SLC16A12: variants seen among roughly 807,000 people sequenced by gnomAD.
SLC16A12 encodes monocarboxylate transporter 12.
In SLC16A12, 17 loss-of-function variants were observed where a neutral mutation model predicts 42.4. That is an observed-to-expected ratio of 0.40 (90% confidence interval 0.27 to 0.60). The LOEUF (loss-of-function observed/expected upper bound fraction) is 0.60, where lower values mean the gene tolerates loss of function less well. Among genes scored for constraint, SLC16A12 ranks in the 20% least tolerant of loss-of-function variants. The pLI is 0.42. For synonymous variants in SLC16A12, 224 were observed against 229.4 expected, an observed-to-expected ratio of 0.98 and a Z score of 0.21; for missense variants, 544 against 623.0, an observed-to-expected ratio of 0.87 and a Z score of 1.35.
intron 2 of SLC16A12, among the ~76,000 whole-genome samples, chr10:89,525,879 G>T (rs955764470): frequency 6.6e-6 from 1 of 152,138 alleles, no homozygotes; most frequent in Non-Finnish European, 1.5e-5. Flanking sequence ...AGATACGGGG[G>T]AAATGTCTGG....
chr10:89,545,017 G>T (rs1843734816), intron 2 of SLC16A12, among the ~76,000 whole-genome samples: 1 of 152,104 alleles, frequency 6.6e-6, no homozygotes, highest in Non-Finnish European at 1.5e-5. Flanking sequence ...GACCTTAAGG[G>T]GTTATACCTC....
chr10:89,497,943 A>T (rs1318771945), intron 2 of SLC16A12, among the ~76,000 whole-genome samples: 3 of 152,198 alleles, frequency 2.0e-5, no homozygotes, highest in Non-Finnish European at 4.4e-5. Flanking sequence ...AGTAGGTATA[A>T]TTATTTTATC....
intron 2 of SLC16A12, among the ~76,000 whole-genome samples, chr10:89,524,601 C>T (rs1039369750): frequency 1.4e-4 from 21 of 152,330 alleles, no homozygotes; most frequent in Non-Finnish European, 2.2e-4. Flanking sequence ...TGGCTCTGCA[C>T]GTCCATAGCA....
At chr10:89,525,383 A>G (rs1843433187) in intron 2 of SLC16A12, among the ~76,000 whole-genome samples, 1 of 152,226 alleles carries the variant, frequency 6.6e-6, no homozygotes, top group African/African-American at 2.4e-5. Context: ...TTACTGAGCA[A>G]AACTTGAAAT....
At chr10:89,437,400 A>T (rs2133684085) in intron 6 of SLC16A12, among the ~76,000 whole-genome samples, 1 of 152,302 alleles carries the variant, frequency 6.6e-6, no homozygotes, top group East Asian at 1.9e-4. Flanking sequence ...ACAAAATAGT[A>T]TAAGGTCAAC....
At chr10:89,517,869 T>A (rs1004016085) in intron 2 of SLC16A12, among the ~76,000 whole-genome samples, 1 of 152,114 alleles carries the variant, frequency 6.6e-6, no homozygotes, top group Admixed American at 6.6e-5. Context: ...ATTACAACTT[T>A]TCAAGAAAAA....
chr10:89,470,309 C>T (rs965673780), intron 2 of SLC16A12, among the ~76,000 whole-genome samples: 3 of 152,186 alleles, frequency 2.0e-5, no homozygotes, highest in Admixed American at 6.5e-5. Flanking sequence ...TTCCCACTCC[C>T]TAAGTCTTGA....
intron 3 of SLC16A12, among the ~76,000 whole-genome samples, chr10:89,455,122 T>C (rs1240136657): frequency 6.6e-6 from 1 of 151,854 alleles, no homozygotes; most frequent in African/African-American, 2.4e-5. Flanking sequence ...TTAGGTGAGG[T>C]AAAGTAGGGA....
intron 1 of SLC16A12, among the ~76,000 whole-genome samples, chr10:89,556,269 G>A (rs1409076283): frequency 6.6e-6 from 1 of 152,094 alleles, no homozygotes; most frequent in East Asian, 1.9e-4. Flanking sequence ...AGTAGGTGAG[G>A]GAACTGTGTG....
At chr10:89,515,182 T>C (rs1843230192) in intron 2 of SLC16A12, among the ~76,000 whole-genome samples, 1 of 151,438 alleles carries the variant, frequency 6.6e-6, no homozygotes, top group Non-Finnish European at 1.5e-5. Flanking sequence ...GCAATTTCAA[T>C]GGATGATGAT....
At chr10:89,440,886 G>A (rs1841896580) in intron 5 of SLC16A12, among the ~76,000 whole-genome samples, 1 of 152,196 alleles carries the variant, frequency 6.6e-6, no homozygotes, top group Non-Finnish European at 1.5e-5. Context: ...GAAAGCTGCA[G>A]TTGCTTTTAC....
chr10:89,437,645 A>G (rs1841825203), intron 6 of SLC16A12, among the ~76,000 whole-genome samples: 1 of 152,130 alleles, frequency 6.6e-6, no homozygotes, highest in African/African-American at 2.4e-5. Context: ...TTAACCATTA[A>G]AAATGTGGAA....
intron 2 of SLC16A12, among the ~76,000 whole-genome samples, chr10:89,470,850 T>A (rs1310171387): frequency 1.3e-5 from 2 of 152,286 alleles, no homozygotes; most frequent in African/African-American, 4.8e-5. Flanking sequence ...AACCTCTGCA[T>A]GGACCAATGA....
At chr10:89,516,276 C>G (rs927426565) in intron 2 of SLC16A12, among the ~76,000 whole-genome samples, 1 of 152,146 alleles carries the variant, frequency 6.6e-6, no homozygotes, top group Non-Finnish European at 1.5e-5. Flanking sequence ...TGAGCCCTGA[C>G]GTGTCCTCTC....
At chr10:89,530,531 C>T (rs1046875848) in intron 2 of SLC16A12, among the ~76,000 whole-genome samples, 9 of 151,918 alleles carry the variant, frequency 5.9e-5, no homozygotes, top group African/African-American at 2.2e-4. Flanking sequence ...CATTCTCCTG[C>T]CTCAGCCTCC....
chr10:89,487,569 G>A (rs1842775692), intron 2 of SLC16A12, among the ~76,000 whole-genome samples: 1 of 151,558 alleles, frequency 6.6e-6, no homozygotes, highest in South Asian at 2.1e-4. Context: ...GGAAGTCCGA[G>A]GCTGGTGGAT....
intron 2 of SLC16A12, among the ~76,000 whole-genome samples, chr10:89,484,521 T>G (rs1842719132): frequency 6.6e-6 from 1 of 152,158 alleles, no homozygotes; most frequent in South Asian, 2.1e-4. Context: ...AATACACAAG[T>G]GATAATTATT....
intron 2 of SLC16A12, among the ~76,000 whole-genome samples, chr10:89,517,047 A>G (rs972303127): frequency 4.6e-5 from 7 of 151,864 alleles, no homozygotes; most frequent in African/African-American, 1.5e-4. Flanking sequence ...ACGCAACAAG[A>G]CTCCCATCTC....
intron 2 of SLC16A12, among the ~76,000 whole-genome samples, chr10:89,507,424 A>T (rs1028101363): frequency 6.6e-6 from 1 of 152,272 alleles, no homozygotes; most frequent in Non-Finnish European, 1.5e-5. Flanking sequence ...AATATTCAAC[A>T]TTCTTAAAGA....
Sources: allele counts gnomAD v4.1 joint callset (sites outside exome capture counted in the v4.1 genomes callset), GRCh38; gene constraint gnomAD v4.1.1; transcripts MANE v1.5; gene names NCBI Gene and HGNC (gene_info 2026-07-23, HGNC 2026-07-21).